COL24A1: variants seen among roughly 807,000 people sequenced by gnomAD.
COL24A1 encodes collagen type XXIV alpha 1 chain.
COL24A1 carries 224 observed loss-of-function variants against 253.9 expected under a neutral mutation model. That is an observed-to-expected ratio of 0.88 (90% CI 0.79 to 0.99). The LOEUF (loss-of-function observed/expected upper bound fraction) is 0.99. Ranked by LOEUF, COL24A1 falls within the 50% of genes least tolerant of loss-of-function variation. The pLI is 0.00. For synonymous variants in COL24A1, 685 were observed against 673.7 expected, an observed-to-expected ratio of 1.02 and a Z score of -0.26; for missense variants, 2,131 against 2,068.5, an observed-to-expected ratio of 1.03 and a Z score of -0.59.
intron 43 of COL24A1, among the ~76,000 whole-genome samples, chr1:85,828,810 T>TC (rs1674757457): frequency 7.0e-6 from 1 of 143,582 alleles, no homozygotes; most frequent in South Asian, 2.4e-4. Context: ...TTTGAGCCTA[T>TC]GTGTGTCTCT....
At chr1:85,770,936 G>A (rs1216273133) in intron 53 of COL24A1, among the ~76,000 whole-genome samples, 1 of 152,136 alleles carries the variant, frequency 6.6e-6, no homozygotes, top group Admixed American at 6.6e-5. Flanking sequence ...AAGCGAATTG[G>A]CAGTCCCTTT....
rs1297285044 is a variant in COL24A1 at position 85,961,291 on chromosome 1, T to C, written c.2520A>G (p.Gly840=). ...CAATATTTCCTTGATCTCCTACTTCTCCCTGTCAAAAAAGAATATAAAGTT... is the reference window on the plus strand; with the variant it reads ...CAATATTTCCTTGATCTCCTACTTCCCCCTGTCAAAAAAGAATATAAAGTT... ...AGEPGPEGLK[G]EVGDQGNIGK... The change falls in exon 24 of 60, where the codon GGA becomes GGG. Residue 840 remains glycine (G), a splice_region_variant and synonymous_variant. Transcript: ENST00000370571. 2 of 1,601,770 alleles carry C rather than the reference T, an allele frequency of 1.2e-6. No homozygotes were observed. The highest frequency in any genetic ancestry group is 1.7e-5 in the Admixed American group (1 of 59,504).
intron 43 of COL24A1, among the ~76,000 whole-genome samples, chr1:85,827,113 T>C (rs1164529913): frequency 6.6e-6 from 1 of 152,182 alleles, no homozygotes; most frequent in East Asian, 1.9e-4. Flanking sequence ...AATACCTAAT[T>C]AATGGAGAGT....
At chr1:85,969,295 G>T (rs531343006) in intron 22 of COL24A1, among the ~76,000 whole-genome samples, 2 of 151,890 alleles carry the variant, frequency 1.3e-5, no homozygotes, top group East Asian at 1.9e-4. Context: ...CTTTTTAAAC[G>T]TAAAAGCATT....
intron 47 of COL24A1, among the ~76,000 whole-genome samples, chr1:85,808,219 T>C (rs944882479): frequency 1.3e-5 from 2 of 152,220 alleles, no homozygotes; most frequent in Admixed American, 1.3e-4. Context: ...ATTATTGCCA[T>C]AAAGGCCTGA....
intron 7 of COL24A1, among the ~76,000 whole-genome samples, chr1:86,077,844 G>A (rs935558847): frequency 7.6e-6 from 1 of 131,304 alleles, no homozygotes; most frequent in Non-Finnish European, 1.7e-5. Flanking sequence ...GTGGGGGTTG[G>A]GGGGCTGGGG....
intron 53 of COL24A1, among the ~76,000 whole-genome samples, chr1:85,762,312 A>G (rs1308791150): frequency 2.0e-5 from 3 of 152,178 alleles, no homozygotes; most frequent in African/African-American, 7.2e-5. Flanking sequence ...TTGACTTAGT[A>G]TTAAGCATCT....
intron 24 of COL24A1, among the ~76,000 whole-genome samples, chr1:85,915,067 AG>A (rs770705973): frequency 4.1e-4 from 62 of 152,320 alleles, no homozygotes; most frequent in Non-Finnish European, 6.9e-4. Context: ...TGTTGTTTCT[AG>A]GTGAGATTAA....
At chr1:86,051,026 G>A (rs902219133) in intron 10 of COL24A1, among the ~76,000 whole-genome samples, 2 of 152,076 alleles carry the variant, frequency 1.3e-5, no homozygotes, top group African/African-American at 4.8e-5. Context: ...GTATGGTAAT[G>A]CACTGATGTT....
intron 59 of COL24A1, among the ~76,000 whole-genome samples, chr1:85,732,266 G>C (rs112178055): frequency 2.8e-5 from 4 of 145,344 alleles, no homozygotes; most frequent in African/African-American, 1.0e-4. Flanking sequence ...AGTCTCACTC[G>C]GTCGCCCAGC....
chr1:85,730,422 T>G lies in COL24A1; in HGVS notation c.*124A>C. 1 of 1,010,644 alleles carries G rather than the reference T, an allele frequency of 9.9e-7. No individual in the cohort carries two copies. The highest frequency in any genetic ancestry group is 1.4e-6 in the Non-Finnish European group (1 of 710,254). The allele number at this position is 1,010,644 out of a possible 1,614,324, so 62.6% of individuals were successfully genotyped here. On this transcript the variant is annotated 3_prime_UTR_variant, in exon 60 of 60. Transcript: ENST00000370571. ...AGGAGGAAGTCTGTTCTTCCTGAGA[T>G]TCTTTAAGATTTAGCCAATGCTTTA...
intron 24 of COL24A1, among the ~76,000 whole-genome samples, chr1:85,926,165 T>A (rs1189282808): frequency 6.6e-6 from 1 of 152,100 alleles, no homozygotes; most frequent in Non-Finnish European, 1.5e-5. Flanking sequence ...CATTAAAAAG[T>A]CAGGAAACAA....
At position 85,841,100 on chromosome 1, in the gene COL24A1, TCAAAC is replaced by T. The variant is rs3215967; in HGVS notation, c.3627+117_3627+121del. The T allele has an allele frequency of 7.7e-3, 5,384 of 697,630 alleles. 131 individuals are homozygous for T. The highest frequency in any genetic ancestry group is 0.058 in the East Asian group (1,921 of 32,902). The allele number at this position is 697,630 out of a possible 1,614,324, so 43.2% of individuals were successfully genotyped here. On this transcript the variant is annotated intron_variant, in intron 42 of 59. Transcript: ENST00000370571. ...TGTGACCATAAATATCACCCTCCTATCAAACCATGTTATAAAACTAACAAAAGAAA... is the reference window on the plus strand; with the variant it reads ...TGTGACCATAAATATCACCCTCCTATCATGTTATAAAACTAACAAAAGAAA...
At chr1:85,804,091 T>C (rs1420129299) in intron 47 of COL24A1, among the ~76,000 whole-genome samples, 2 of 152,176 alleles carry the variant, frequency 1.3e-5, no homozygotes, top group African/African-American at 4.8e-5. Context: ...GGTTATCAAA[T>C]AGCTTAATTA....
chr1:85,915,304 G>A (rs12136742), intron 24 of COL24A1, among the ~76,000 whole-genome samples: 39,377 of 152,002 alleles, frequency 0.26, 5,998 homozygotes, highest in East Asian at 0.34. Flanking sequence ...TAAATAATCA[G>A]TGCTGTAGGT....
intron 47 of COL24A1, among the ~76,000 whole-genome samples, chr1:85,789,304 T>G (rs1670026527): frequency 6.6e-6 from 1 of 152,170 alleles, no homozygotes; most frequent in African/African-American, 2.4e-5. Flanking sequence ...CCTAGGTATT[T>G]TATTCTCTTT....
At chr1:85,909,024 A>G (rs1685118908) in intron 26 of COL24A1, among the ~76,000 whole-genome samples, 1 of 151,748 alleles carries the variant, frequency 6.6e-6, no homozygotes, top group Non-Finnish European at 1.5e-5. Flanking sequence ...TTATGAAACT[A>G]TATCCTTTTC....
intron 53 of COL24A1, among the ~76,000 whole-genome samples, chr1:85,771,772 TGAC>T (rs1558060535): frequency 4.4e-5 from 6 of 135,316 alleles, no homozygotes; most frequent in Admixed American, 4.1e-4. Flanking sequence ...TGTTGTTGCC[TGAC>T]TTTTTTATTT....
chr1:85,900,710 C>G (rs578074983), intron 28 of COL24A1, among the ~76,000 whole-genome samples: 1 of 152,154 alleles, frequency 6.6e-6, no homozygotes, highest in South Asian at 2.1e-4. Flanking sequence ...AGTATAAAAA[C>G]AGACACATAG....
Sources: gnomAD v4.1 joint callset for allele counts (sites outside exome capture counted in the v4.1 genomes callset) on GRCh38, gnomAD v4.1.1 for gene constraint, MANE v1.5 for transcripts, NCBI Gene and HGNC (gene_info 2026-07-23, HGNC 2026-07-21) for gene names.